SERGEF: variants seen among roughly 807,000 people sequenced by gnomAD.
SERGEF encodes secretion regulating guanine nucleotide exchange factor, also known as secretion-regulating guanine nucleotide exchange factor.
A neutral mutation model predicts 50.0 loss-of-function variants in SERGEF; 51 were observed. That is an observed-to-expected ratio of 1.02 (90% CI 0.81 to 1.29). The LOEUF is 1.29. SERGEF is among the 50% of genes most tolerant of loss of function. The probability of loss-of-function intolerance (pLI) is 0.00; values close to 1 mark genes in which losing one functional copy is unlikely to be tolerated. For synonymous variants in SERGEF, 205 were observed against 212.4 expected (o/e 0.97, Z 0.30); for missense variants, 521 against 557.0 (o/e 0.94, Z 0.65).
rs145384493 is a variant in SERGEF at position 17,892,901 on chromosome 11, A to C, written c.1012-14657T>G. On this transcript the variant is annotated intron_variant, in intron 9 of 10. Transcript: ENST00000265965. The stretch of plus-strand genomic sequence containing the variant: ...GGACTCTATTAGACAGAAAAGTGGG[A>C]TGTTTGGTGATTTATGGCTTGGACA... Among the ~76,000 whole-genome samples, 104 of 152,292 alleles carry C rather than the reference A, an allele frequency of 6.8e-4. 1 individual carries two copies. In the East Asian group the frequency reaches 0.018, roughly 27 times the overall value.
chr11:17,992,845 C>A (rs1468333556), intron 7 of SERGEF, 86 bp downstream of exon 7: 4 of 1,148,398 alleles, frequency 3.5e-6, no homozygotes, highest in Non-Finnish European at 5.3e-6. Context: ...CTATGACATT[C>A]CCTCTGTATT....
At chr11:17,859,875 G>A (rs1850895414) in intron 10 of SERGEF, among the ~76,000 whole-genome samples, 1 of 152,162 alleles carries the variant, frequency 6.6e-6, no homozygotes, top group African/African-American at 2.4e-5. Flanking sequence ...TATATTTTCA[G>A]AATTTCAAAG....
chr11:17,837,865 C>T (rs183845752), intron 10 of SERGEF, among the ~76,000 whole-genome samples: 1 of 152,082 alleles, frequency 6.6e-6, no homozygotes, highest in Non-Finnish European at 1.5e-5. Flanking sequence ...GGGGGTTTCA[C>T]TATGTTGGTC....
At chr11:18,008,384 A>T (rs889733603) in intron 1 of SERGEF, among the ~76,000 whole-genome samples, 2 of 152,236 alleles carry the variant, frequency 1.3e-5, no homozygotes, top group Non-Finnish European at 2.9e-5. Flanking sequence ...CATGTCCAGG[A>T]AAGTTCCTAG....
At chr11:17,804,650 T>C (rs1440591806) in intron 10 of SERGEF, among the ~76,000 whole-genome samples, 1 of 152,224 alleles carries the variant, frequency 6.6e-6, no homozygotes, top group East Asian at 1.9e-4. Flanking sequence ...TACTGGATTC[T>C]TCTAACAATC....
At chr11:17,788,635 A>G (rs1184467544) in intron 10 of SERGEF, among the ~76,000 whole-genome samples, 1 of 151,980 alleles carries the variant, frequency 6.6e-6, no homozygotes, top group African/African-American at 2.4e-5. Context: ...CACAAAACTC[A>G]TGACTGCTCA....
intron 10 of SERGEF, among the ~76,000 whole-genome samples, chr11:17,860,980 C>A (rs895084675): frequency 3.3e-5 from 5 of 152,040 alleles, no homozygotes; most frequent in Non-Finnish European, 5.9e-5. Context: ...AAGGCTAAAC[C>A]CTCTCCACCC....
chr11:17,826,760 TA>T (rs1213696302), intron 10 of SERGEF, among the ~76,000 whole-genome samples: 1 of 152,204 alleles, frequency 6.6e-6, no homozygotes, highest in South Asian at 2.1e-4. Flanking sequence ...GTGAGGAATC[TA>T]AACATCATAT....
At chr11:17,994,283 G>A (rs535555124) in intron 6 of SERGEF, among the ~76,000 whole-genome samples, 5 of 152,104 alleles carry the variant, frequency 3.3e-5, no homozygotes, top group Admixed American at 1.3e-4. Context: ...GACCATCCTG[G>A]TTAACACGGT....
At chr11:17,981,540 G>A (rs1853495271) in intron 8 of SERGEF, among the ~76,000 whole-genome samples, 1 of 151,760 alleles carries the variant, frequency 6.6e-6, no homozygotes, top group Non-Finnish European at 1.5e-5. Flanking sequence ...GGACTCTTGT[G>A]TGAAGTAAGG....
intron 10 of SERGEF, among the ~76,000 whole-genome samples, chr11:17,814,052 C>G (rs1849921359): frequency 6.6e-6 from 1 of 152,154 alleles, no homozygotes; most frequent in Admixed American, 6.5e-5. Context: ...TCAGCAATGA[C>G]TTTAAAAAGG....
At chr11:17,838,164 G>A (rs940995528) in intron 10 of SERGEF, among the ~76,000 whole-genome samples, 2 of 152,212 alleles carry the variant, frequency 1.3e-5, no homozygotes, top group African/African-American at 4.8e-5. Flanking sequence ...GAAGCAACCT[G>A]TTTTTGCCTT....
chr11:17,894,574 C>T lies in SERGEF; in HGVS notation c.1012-16330G>A, dbSNP rs536979624. Among the ~76,000 whole-genome samples the T allele has an allele frequency of 2.2e-4, 34 of 152,224 alleles. No individual in the cohort carries two copies. In the South Asian group the frequency reaches 3.1e-3, roughly 14 times the overall value. On this transcript the variant is annotated intron_variant, in intron 9 of 10. Transcript: ENST00000265965. ...ATTGATTATAACTTTCTTAATCACG[C>T]GGGATATATTTCATTCATTTCTATC...
Position 17,959,476 on chromosome 11 carries a change from T to G in SERGEF, c.1005A>C (p.Ala335=), listed in dbSNP as rs1200855779. Residue 335 remains alanine, a synonymous_variant, in exon 9 of 11, where the codon GCA becomes GCC. Transcript: ENST00000265965. ...GTGAGAAGTCACTTCCTACCTCAGT[T>G]GCTCCAGTTAAGCAATGCGGAGACG... is the stretch of plus-strand genomic sequence containing the variant. ...MPSSPHCLTG[A]TEVSCGSEHN... 19 of 1,612,672 alleles carry G rather than the reference T, an allele frequency of 1.2e-5. No homozygotes were observed. Among genetic ancestry groups the G allele is most frequent in the Non-Finnish European group, 1.5e-5 (18 of 1,179,558 alleles).
intron 1 of SERGEF, among the ~76,000 whole-genome samples, chr11:18,008,280 C>T (rs1327851261): frequency 2.6e-5 from 4 of 152,202 alleles, no homozygotes; most frequent in African/African-American, 9.7e-5. Flanking sequence ...TATATAATAA[C>T]AAGCACCAGA....
intron 9 of SERGEF, chr11:17,918,546 G>A: frequency 3.9e-6 from 1 of 254,680 alleles, no homozygotes; most frequent in South Asian, 3.7e-5. Context: ...TGGAAAAGGT[G>A]CTGTGCCAGG....
At chr11:18,012,793 C>CAACAA in intron 1 of SERGEF, 158 bp downstream of exon 1, 1 of 1,207,276 alleles carries the variant, frequency 8.3e-7, no homozygotes, top group Non-Finnish European at 1.1e-6. Flanking sequence ...GCCCGCTCCT[C>CAACAA]CTCCGCTCCC....
intron 8 of SERGEF, among the ~76,000 whole-genome samples, chr11:17,960,451 A>C (rs1415590975): frequency 6.6e-6 from 1 of 152,248 alleles, no homozygotes; most frequent in East Asian, 1.9e-4. Context: ...CAGAAATGCA[A>C]AATCTGATGA....
intron 8 of SERGEF, among the ~76,000 whole-genome samples, chr11:17,966,450 C>T (rs1853127450): frequency 6.6e-6 from 1 of 152,106 alleles, no homozygotes; most frequent in African/African-American, 2.4e-5. Context: ...GAGAGAACCG[C>T]AACAGATGAC....
Sources: allele counts gnomAD v4.1 joint callset (sites outside exome capture counted in the v4.1 genomes callset), GRCh38; gene constraint gnomAD v4.1.1; transcripts MANE v1.5; gene names NCBI Gene and HGNC (gene_info 2026-07-23, HGNC 2026-07-21).